Variants in CCBE1 observed in about 807,000 individuals in gnomAD.
The protein encoded by CCBE1 is collagen and calcium-binding EGF domain-containing protein 1.
CCBE1 carries 37 observed loss-of-function variants against 50.0 expected under a neutral mutation model. That is an observed-to-expected ratio of 0.74 (90% CI 0.57 to 0.97). CCBE1 has a LOEUF of 0.97. CCBE1 is among the 50% of genes least tolerant of loss of function. The pLI, the probability that CCBE1 is intolerant of heterozygous loss-of-function variation, is 0.00. For missense variants in CCBE1, 538 were observed against 523.8 expected (o/e 1.03, Z -0.26); for synonymous variants, 234 against 203.7 (o/e 1.15, Z -1.27).
chr18:59,666,129 A>G (rs1332553708), intron 2 of CCBE1: 2 of 152,256 alleles, frequency 1.3e-5, no homozygotes, highest in African/African-American at 4.8e-5. Context: ...GAGGAGGAAC[A>G]AGTCACGTCT....
chr18:59,452,001 A>G (rs1910959091), intron 6 of CCBE1, among the ~76,000 whole-genome samples: 1 of 152,134 alleles, frequency 6.6e-6, no homozygotes, highest in Non-Finnish European at 1.5e-5. Flanking sequence ...CCACCTGTGC[A>G]TGCCTAGATA....
chr18:59,474,002 T>C (rs1225267339), intron 3 of CCBE1, among the ~76,000 whole-genome samples: 1 of 152,236 alleles, frequency 6.6e-6, no homozygotes, highest in Non-Finnish European at 1.5e-5. Context: ...GTTTTTCTCT[T>C]CCTATGTTAG....
intron 2 of CCBE1, among the ~76,000 whole-genome samples, chr18:59,495,787 G>C (rs924633495): frequency 6.6e-6 from 1 of 152,094 alleles, no homozygotes; most frequent in African/African-American, 2.4e-5. Flanking sequence ...CAAGATGTAC[G>C]AGGGGGCACT....
chr18:59,526,279 T>C (rs1045458566), intron 2 of CCBE1, among the ~76,000 whole-genome samples: 1 of 151,918 alleles, frequency 6.6e-6, no homozygotes, highest in Admixed American at 6.6e-5. Flanking sequence ...CCTAGTTCTT[T>C]TAGTTGTGAT....
At chr18:59,662,640 T>C (rs933129962) in intron 2 of CCBE1, among the ~76,000 whole-genome samples, 1 of 152,168 alleles carries the variant, frequency 6.6e-6, no homozygotes, top group Admixed American at 6.5e-5. Flanking sequence ...AAGGAGGCCA[T>C]AATCTAACAG....
At chr18:59,678,659 AG>A (rs1399712477) in intron 2 of CCBE1, among the ~76,000 whole-genome samples, 1 of 149,912 alleles carries the variant, frequency 6.7e-6, no homozygotes, top group African/African-American at 2.5e-5. Flanking sequence ...CAGCCTCCTG[AG>A]TAACAGGGAT....
chr18:59,568,962 T>G (rs2144479161), intron 2 of CCBE1, among the ~76,000 whole-genome samples: 1 of 152,322 alleles, frequency 6.6e-6, no homozygotes, highest in East Asian at 1.9e-4. Flanking sequence ...CCTGCCTGAG[T>G]GTGCTCTCAC....
intron 2 of CCBE1, among the ~76,000 whole-genome samples, chr18:59,658,062 G>A (rs2054215142): frequency 2.0e-5 from 3 of 151,920 alleles, no homozygotes; most frequent in South Asian, 2.1e-4. Context: ...TAAGCTGTGT[G>A]ACCTTAGGCA....
At chr18:59,658,805 G>C (rs868780822) in intron 2 of CCBE1, among the ~76,000 whole-genome samples, 1 of 147,702 alleles carries the variant, frequency 6.8e-6, no homozygotes, top group Non-Finnish European at 1.5e-5. Flanking sequence ...CCTTGAACCC[G>C]GGCAGTGGAG....
chr18:59,596,933 A>G (rs2053359952), intron 2 of CCBE1, among the ~76,000 whole-genome samples: 1 of 152,278 alleles, frequency 6.6e-6, no homozygotes, highest in African/African-American at 2.4e-5. Context: ...CTAAATGCCA[A>G]TGGACCAACA....
Position 59,601,088 on chromosome 18 carries a change from G to A in CCBE1, c.212+95541C>T, listed in dbSNP as rs554965350. 3.1e-5 allele frequency among the ~76,000 whole-genome samples: 4 copies of A among 129,928 alleles called. No homozygotes were observed. In the South Asian group the frequency reaches 1.0e-3, roughly 33 times the overall value. 85.2% of individuals were successfully genotyped at this position (129,928 alleles called of 152,430 possible). A position where few individuals can be genotyped will look rare whatever the true frequency, so the allele number is the denominator to read the frequency against. ...ACTCTGTCTCCCAGGCTGGAGTGCA[G>A]TGGTGCAATCTCGGCTCACTGCAAC... On this transcript the variant is annotated intron_variant, in intron 2 of 10. Transcript: ENST00000439986.
chr18:59,697,392 C>G lies in CCBE1; in HGVS notation c.-50G>C. The stretch of plus-strand genomic sequence containing the variant: ...AGCGCCGAGCTCCGTCCGGACCAAG[C>G]GTCCTGCTCCTCCGCGGCCGCCGCC... On this transcript the variant is annotated 5_prime_UTR_variant, in exon 1 of 11. Transcript: ENST00000439986. The G allele has an allele frequency of 3.9e-6, 6 of 1,523,370 alleles. No individual in the cohort carries two copies. The highest frequency in any genetic ancestry group is 3.6e-5 in the South Asian group (3 of 82,738). 94.4% of individuals were successfully genotyped at this position (1,523,370 alleles called of 1,614,324 possible). A position where few individuals can be genotyped will look rare whatever the true frequency, so the allele number is the denominator to read the frequency against.
At chr18:59,485,626 T>TTTATTTA (rs1912784413) in intron 2 of CCBE1, among the ~76,000 whole-genome samples, 1 of 64,680 alleles carries the variant, frequency 1.5e-5, no homozygotes, top group Non-Finnish European at 3.1e-5. Flanking sequence ...TTATTTATTT[T>TTTATTTA]TTGAGATGGA....
chr18:59,555,958 G>A (rs994538338), intron 2 of CCBE1, among the ~76,000 whole-genome samples: 3 of 152,234 alleles, frequency 2.0e-5, no homozygotes, highest in African/African-American at 7.2e-5. Context: ...GGGAAGCTGT[G>A]CTATATGTAG....
At chr18:59,552,578 G>T (rs554096482) in intron 2 of CCBE1, among the ~76,000 whole-genome samples, 3 of 152,208 alleles carry the variant, frequency 2.0e-5, no homozygotes, top group Non-Finnish European at 4.4e-5. Flanking sequence ...TCATCCAAAA[G>T]AAGAGTATTT....
At chr18:59,636,424 C>T (rs1283775284) in intron 2 of CCBE1, among the ~76,000 whole-genome samples, 1 of 152,118 alleles carries the variant, frequency 6.6e-6, no homozygotes, top group African/African-American at 2.4e-5. Flanking sequence ...TGAAGTTGTC[C>T]CAGATCTAGG....
chr18:59,476,426 A>C (rs55848214), intron 3 of CCBE1, among the ~76,000 whole-genome samples: 3,273 of 152,312 alleles, frequency 0.021, 137 homozygotes, highest in East Asian at 0.2. Context: ...TCACCTGGCC[A>C]ATCAAGACAT....
chr18:59,658,405 AT>A (rs1451065214), intron 2 of CCBE1, among the ~76,000 whole-genome samples: 4 of 61,220 alleles, frequency 6.5e-5, no homozygotes, highest in African/African-American at 1.8e-4. Flanking sequence ...ATATATATAT[AT>A]ATATATATAT....
At chr18:59,606,895 G>T (rs376702871) in intron 2 of CCBE1, among the ~76,000 whole-genome samples, 3 of 152,132 alleles carry the variant, frequency 2.0e-5, no homozygotes, top group East Asian at 3.8e-4. Context: ...CTTGGTTCAT[G>T]CTTCTGCTGT....
Sources: gnomAD v4.1 joint callset for allele counts (sites outside exome capture counted in the v4.1 genomes callset) on GRCh38, gnomAD v4.1.1 for gene constraint, MANE v1.5 for transcripts, NCBI Gene and HGNC (gene_info 2026-07-23, HGNC 2026-07-21) for gene names.